ARL10: variants seen among roughly 807,000 people sequenced by gnomAD.
The protein encoded by ARL10 is ADP-ribosylation factor-like protein 10.
ARL10 carries 23 observed loss-of-function variants against 26.1 expected under a neutral mutation model. The observed-to-expected ratio is 0.88, with a 90% CI of 0.63 to 1.25. The LOEUF (loss-of-function observed/expected upper bound fraction) is 1.25, where lower values mean the gene tolerates loss of function less well. Ranked by LOEUF, ARL10 falls within the 50% of genes most tolerant of loss-of-function variation. ARL10 has a pLI of 0.00. For synonymous variants in ARL10, 138 were observed against 149.1 expected (o/e 0.93, Z 0.54); for missense variants, 300 against 323.6 (o/e 0.93, Z 0.56).
intron 3 of ARL10, among the ~76,000 whole-genome samples, chr5:176,370,231 G>C (rs1222293791): frequency 2.0e-5 from 3 of 152,296 alleles, no homozygotes; most frequent in African/African-American, 7.2e-5. Flanking sequence ...GTTGCAGCTG[G>C]CATGTGGCAA....
downstream of ARL10, chr5:176,406,705 C>T (rs753141820): frequency 3.2e-5 from 41 of 1,285,914 alleles, no homozygotes; most frequent in African/African-American, 9.1e-5. Context: ...TGGTGGTGCA[C>T]GGGCTGCAGA....
chr5:176,402,119 G>A (rs916825994), downstream of ARL10, among the ~76,000 whole-genome samples: 15 of 152,060 alleles, frequency 9.9e-5, no homozygotes, highest in African/African-American at 2.9e-4. Flanking sequence ...CCTGGGCAAC[G>A]TGGTAAAACC....
rs528480357 is a variant in ARL10 at position 176,394,398 on chromosome 5, G to A, written c.134-7343G>A. Among the ~76,000 whole-genome samples the A allele has an allele frequency of 5.3e-5, 8 of 152,380 alleles. No individual in the cohort carries two copies. The South Asian group carries it at 6.2e-4, about 12-fold the overall frequency. On this transcript the variant is annotated intron_variant, in intron 1 of 1. Coordinates refer to the ARL10 transcript ENST00000514533. ...GGCATGTGAAAGTTTGAGCCTGGGC[G>A]CAGTGGCTCACTCCTGTAATCCCAG...
downstream of ARL10, chr5:176,384,417 AG>A (rs1755667234): frequency 1.3e-6 from 2 of 1,576,342 alleles, no homozygotes; most frequent in South Asian, 2.4e-5. Flanking sequence ...AGACAGGCAA[AG>A]GCTCAAATCT....
At chr5:176,407,797 C>G in the ARL10 span, among the ~76,000 whole-genome samples, 1 of 152,216 alleles carries the variant, frequency 6.6e-6, no homozygotes, top group South Asian at 2.1e-4. Context: ...AGACATGAAG[C>G]TGCTGAAGTC....
At chr5:176,389,373 C>T (rs1756166947), downstream of ARL10, 12 of 1,614,150 alleles carry the variant, frequency 7.4e-6, no homozygotes, top group East Asian at 2.7e-4. Flanking sequence ...GGCCTCTACT[C>T]CTTCCACCGG....
At chr5:176,394,989 C>T (rs1305783918) in intron 1 of ARL10, among the ~76,000 whole-genome samples, 1 of 152,080 alleles carries the variant, frequency 6.6e-6, no homozygotes, top group Non-Finnish European at 1.5e-5. Flanking sequence ...CCTGTGGCTC[C>T]CCACTGCCTT....
downstream of ARL10, among the ~76,000 whole-genome samples, chr5:176,403,712 A>G (rs939149907): frequency 6.7e-6 from 1 of 150,090 alleles, no homozygotes; most frequent in Non-Finnish European, 1.5e-5. Flanking sequence ...TCAGCCTCCC[A>G]AAGTGCTGGG....
the ARL10 span, among the ~76,000 whole-genome samples, chr5:176,410,686 G>T: frequency 6.6e-6 from 1 of 152,188 alleles, no homozygotes; most frequent in Non-Finnish European, 1.5e-5. Context: ...TGAAGCCTGT[G>T]CCTGGTGAGT....
chr5:176,414,794 C>G, the ARL10 span, among the ~76,000 whole-genome samples: 19 of 152,132 alleles, frequency 1.2e-4, no homozygotes, highest in Non-Finnish European at 2.4e-4. Flanking sequence ...GTTACAAAAG[C>G]CTGGTTACAT....
downstream of ARL10, chr5:176,384,387 G>C: frequency 6.2e-7 from 1 of 1,606,668 alleles, no homozygotes; most frequent in Non-Finnish European, 8.5e-7. Context: ...AAGAGGAGAA[G>C]GGCTACTTTA....
downstream of ARL10, chr5:176,406,537 A>T (rs1757131769): frequency 7.9e-7 from 1 of 1,270,120 alleles, no homozygotes; most frequent in Admixed American, 2.5e-5. Flanking sequence ...TGATGGGAGT[A>T]TTAGGGGAAA....
rs979522754 is a variant in ARL10, at chr5:176,376,281, A to T, written c.*4386A>T. 1.3e-5 allele frequency: 2 copies of T among 151,816 alleles called. No homozygotes were observed. Among genetic ancestry groups the T allele is most frequent in the African/African-American group, 4.8e-5 (2 of 41,296 alleles). The allele number at this position is 151,816 out of a possible 1,614,324, so 9.4% of individuals were successfully genotyped here. On this transcript the variant is annotated 3_prime_UTR_variant, in exon 4 of 4. Coordinates refer to ENST00000310389, the MANE Select transcript of ARL10 (RefSeq NM_173664.6). The stretch of plus-strand genomic sequence containing the variant: ...GGAGGCTGAGGCATGAGAATCACTT[A>T]AACTTGGGAGGCAGAGGTTGCAGTG...
chr5:176,405,211 C>A (rs1470327984), downstream of ARL10, among the ~76,000 whole-genome samples: 2 of 152,080 alleles, frequency 1.3e-5, no homozygotes, highest in Admixed American at 6.5e-5. Flanking sequence ...AGTTTGGGAC[C>A]AGGTGCAGCG....
At chr5:176,410,505 T>C in the ARL10 span, among the ~76,000 whole-genome samples, 1 of 152,222 alleles carries the variant, frequency 6.6e-6, no homozygotes, top group Non-Finnish European at 1.5e-5. Context: ...CAGCCATTAG[T>C]ACATTTTATG....
chr5:176,366,419 C>T lies in ARL10; in HGVS notation c.223C>T (p.Leu75=). Residue 75 remains leucine (L), a synonymous_variant, in exon 2 of 4, where the codon CTG becomes TTG. Coordinates refer to ENST00000310389, the MANE Select transcript of ARL10 (RefSeq NM_173664.6). ...EEDEEPALEE[L]EQREVLVLGL... is the part of the protein sequence containing the mutation. ...GGACGAGGAGCCGGCGCTGGAGGAG[C>T]TGGAACAGCGCGAGGTGCTGGTGCT... 2 of 1,612,408 alleles carry T rather than the reference C, an allele frequency of 1.2e-6. No individual in the cohort carries two copies. Among genetic ancestry groups the T allele is most frequent in the Non-Finnish European group, 1.7e-6 (2 of 1,179,778 alleles).
chr5:176,375,183 T>TCCAC lies in ARL10; in HGVS notation c.*3292_*3295dup, dbSNP rs1215281674. 2 of 70,510 alleles carry TCCAC rather than the reference T, an allele frequency of 2.8e-5. No individual in the cohort carries two copies. The highest frequency in any genetic ancestry group is 1.5e-4 in the African/African-American group (2 of 13,748). 4.4% of individuals were successfully genotyped at this position (70,510 alleles called of 1,614,324 possible). On this transcript the variant is annotated 3_prime_UTR_variant, in exon 4 of 4. Transcript: ENST00000310389. The stretch of plus-strand genomic sequence containing the variant: ...ATCCATCCACCCACCCACCCACCCA[T>TCCAC]CCACCCATCCATCCATCCATCCACT...
At position 176,368,268 on chromosome 5, in the gene ARL10, C is replaced by T. The variant is rs965556487; in HGVS notation, c.386-539C>T. On this transcript the variant is annotated intron_variant, in intron 2 of 3. Coordinates refer to ENST00000310389, the MANE Select transcript of ARL10 (RefSeq NM_173664.6). This position sits in a 1 kb window ranked among gnomAD's most constrained non-coding sequence, Gnocchi z 4.1. ...ATGGGGGAAACTGAATGGAGAATGG[C>T]TGTGTATAGGCAGGGCAGGGGGTCC... 6.6e-6 allele frequency among the ~76,000 whole-genome samples: 1 copy of T among 152,124 alleles called. No homozygotes were observed. Among genetic ancestry groups the T allele is most frequent in the Admixed American group, 6.5e-5 (1 of 15,280 alleles).
chr5:176,384,789 C>A (rs568622857), downstream of ARL10: 7 of 380,848 alleles, frequency 1.8e-5, no homozygotes, highest in South Asian at 3.6e-4. Context: ...ACCAGGAAGG[C>A]CTGAGAGTCC....
Sources: allele counts gnomAD v4.1 joint callset (sites outside exome capture counted in the v4.1 genomes callset), GRCh38; gene constraint gnomAD v4.1.1; non-coding constraint Gnocchi (gnomAD v3.1); transcripts MANE v1.5; gene names NCBI Gene and HGNC (gene_info 2026-07-23, HGNC 2026-07-21).